Variants in LINGO2 observed in about 807,000 individuals in gnomAD.
The protein encoded by LINGO2 is leucine rich repeat and Ig domain containing 2, also known as leucine-rich repeat and immunoglobulin-like domain-containing nogo receptor-interacting protein 2.
In LINGO2, 14 loss-of-function variants were observed where a neutral mutation model predicts 30.6. The ratio of observed to expected loss-of-function variants is 0.46; its 90% confidence interval spans 0.30 to 0.72. The LOEUF is 0.72. Ranked by LOEUF, LINGO2 falls within the 30% of genes least tolerant of loss-of-function variation. The pLI is 0.07. For missense variants in LINGO2, 729 were observed against 751.7 expected, an observed-to-expected ratio of 0.97 and a Z score of 0.35; for synonymous variants, 317 against 288.5, an observed-to-expected ratio of 1.10 and a Z score of -1.00.
At chr9:28,339,600 A>T (rs1825701054) in intron 3 of LINGO2, among the ~76,000 whole-genome samples, 1 of 152,180 alleles carries the variant, frequency 6.6e-6, no homozygotes, top group South Asian at 2.1e-4. Context: ...AACTTAAATT[A>T]GGCCCACTAA....
At chr9:28,998,533 T>C in the LINGO2 span, among the ~76,000 whole-genome samples, 30 of 152,158 alleles carry the variant, frequency 2.0e-4, no homozygotes, top group African/African-American at 7.2e-4. Context: ...AATGAAACAA[T>C]TACCCTACAA....
At chr9:28,037,227 A>G (rs1587740671) in intron 4 of LINGO2, among the ~76,000 whole-genome samples, 1 of 152,352 alleles carries the variant, frequency 6.6e-6, no homozygotes, top group East Asian at 1.9e-4. Flanking sequence ...CTAGTTATAC[A>G]AACAGTAGTT....
chr9:29,021,644 G>A, the LINGO2 span, among the ~76,000 whole-genome samples: 3 of 148,472 alleles, frequency 2.0e-5, no homozygotes, highest in Non-Finnish European at 4.4e-5. Context: ...GCAACAGTGT[G>A]AGACTCCATC....
chr9:28,011,904 T>C (rs1011279494), intron 5 of LINGO2, among the ~76,000 whole-genome samples: 1 of 151,502 alleles, frequency 6.6e-6, no homozygotes, highest in African/African-American at 2.5e-5. Context: ...CTGCCCTGCA[T>C]GTCAAAGGGA....
intron 1 of LINGO2, among the ~76,000 whole-genome samples, chr9:28,550,589 A>C (rs1822224191): frequency 6.6e-6 from 1 of 151,902 alleles, no homozygotes; most frequent in Middle Eastern, 3.4e-3. Flanking sequence ...TATTTGCTAC[A>C]TCAACAGACA....
intron 4 of LINGO2, among the ~76,000 whole-genome samples, chr9:28,157,753 C>T (rs1828174781): frequency 6.6e-6 from 1 of 152,182 alleles, no homozygotes; most frequent in Non-Finnish European, 1.5e-5. Flanking sequence ...TAAATCATCT[C>T]TCTCAAGTTC....
intron 2 of LINGO2, among the ~76,000 whole-genome samples, chr9:28,438,827 C>CATAT (rs200082723): frequency 0.021 from 2,698 of 130,722 alleles, 85 homozygotes; most frequent in African/African-American, 0.059. Context: ...AAAATATATA[C>CATAT]ATATATATAT....
At chr9:28,787,533 A>G in the LINGO2 span, among the ~76,000 whole-genome samples, 1 of 152,152 alleles carries the variant, frequency 6.6e-6, no homozygotes, top group Non-Finnish European at 1.5e-5. Context: ...TGTCACAAAT[A>G]TTTATGTCAA....
intron 4 of LINGO2, among the ~76,000 whole-genome samples, chr9:28,245,787 T>G (rs1345793957): frequency 6.6e-6 from 1 of 152,058 alleles, no homozygotes; most frequent in East Asian, 1.9e-4. Context: ...CTCAAGGCAA[T>G]AAGACAGGAC....
intron 4 of LINGO2, among the ~76,000 whole-genome samples, chr9:28,092,188 A>G (rs1826111271): frequency 6.6e-6 from 1 of 152,180 alleles, no homozygotes; most frequent in Non-Finnish European, 1.5e-5. Flanking sequence ...CAGCCATCCC[A>G]TTACTGGGTA....
the LINGO2 span, among the ~76,000 whole-genome samples, chr9:28,692,618 ACATTCATGC>A: frequency 1.3e-5 from 2 of 152,138 alleles, no homozygotes; most frequent in African/African-American, 4.8e-5. Context: ...CTGCCTCCAT[ACATTCATGC>A]CATTCAAAAC....
chr9:28,182,968 A>G (rs1220929176), intron 4 of LINGO2, among the ~76,000 whole-genome samples: 6 of 152,206 alleles, frequency 3.9e-5, no homozygotes, highest in Non-Finnish European at 8.8e-5. Context: ...TATATACCCA[A>G]AGGAATATAA....
rs1587284149 is a variant in LINGO2, at chr9:28,233,049, T to C, written c.-87+62159A>G. 5.1e-5 allele frequency among the ~76,000 whole-genome samples: 6 copies of C among 118,578 alleles called. No individual in the cohort carries two copies. The South Asian group carries it at 8.2e-4, about 16-fold the overall frequency. 77.8% of individuals were successfully genotyped at this position (118,578 alleles called of 152,430 possible). The stretch of plus-strand genomic sequence containing the variant: ...TAAACATTATATATATATATATATA[T>C]ATATATATATATTAGATATATAATA... On this transcript the variant is annotated intron_variant, in intron 4 of 5. Coordinates refer to ENST00000379992, the Ensembl canonical transcript of LINGO2.
the LINGO2 span, among the ~76,000 whole-genome samples, chr9:28,828,017 A>G: frequency 1.3e-5 from 2 of 152,078 alleles, 1 homozygote; most frequent in South Asian, 4.1e-4. Flanking sequence ...CCAAAACATA[A>G]TCATAATGGC....
chr9:28,032,260 T>C (rs1823716355), intron 4 of LINGO2, among the ~76,000 whole-genome samples: 1 of 152,148 alleles, frequency 6.6e-6, no homozygotes, highest in Non-Finnish European at 1.5e-5. Context: ...CTGTTTTCTC[T>C]TGGTACTTGG....
the LINGO2 span, among the ~76,000 whole-genome samples, chr9:29,142,471 CAACTT>C: frequency 2.0e-5 from 3 of 151,586 alleles, no homozygotes; most frequent in Admixed American, 2.0e-4. Flanking sequence ...CCTAAATAAA[CAACTT>C]AACTTTATAC....
At chr9:29,027,553 G>C in the LINGO2 span, among the ~76,000 whole-genome samples, 2 of 152,108 alleles carry the variant, frequency 1.3e-5, no homozygotes, top group African/African-American at 4.8e-5. Flanking sequence ...GGCCAGGCTG[G>C]TCTTGAACTA....
chr9:28,284,217 G>A (rs957317328), intron 4 of LINGO2, among the ~76,000 whole-genome samples: 74 of 152,276 alleles, frequency 4.9e-4, no homozygotes, highest in African/African-American at 1.7e-3. Flanking sequence ...AAGATGAGCA[G>A]CTTTCCAGTC....
At chr9:28,995,967 A>G in the LINGO2 span, among the ~76,000 whole-genome samples, 1 of 152,044 alleles carries the variant, frequency 6.6e-6, no homozygotes, top group Non-Finnish European at 1.5e-5. Flanking sequence ...ACATGTATAC[A>G]TATGTAACTA....
Sources: gnomAD v4.1 joint callset for allele counts (sites outside exome capture counted in the v4.1 genomes callset) on GRCh38, gnomAD v4.1.1 for gene constraint, MANE v1.5 for transcripts, NCBI Gene and HGNC (gene_info 2026-07-23, HGNC 2026-07-21) for gene names.